Variants in AVL9 observed in about 807,000 individuals in gnomAD.
AVL9 encodes the protein AVL9 cell migration associated, also known as late secretory pathway protein AVL9 homolog.
A neutral mutation model predicts 79.2 loss-of-function variants in AVL9; 49 were observed. The observed-to-expected ratio is 0.62, with a 90% CI of 0.49 to 0.79. AVL9 has a LOEUF of 0.79. Ranked by LOEUF, AVL9 falls within the 30% of genes least tolerant of loss-of-function variation. The pLI is 0.00. For synonymous variants in AVL9, 299 were observed against 280.6 expected, an observed-to-expected ratio of 1.07 and a Z score of -0.65; for missense variants, 682 against 776.8, an observed-to-expected ratio of 0.88 and a Z score of 1.45.
intron 1 of AVL9, among the ~76,000 whole-genome samples, chr7:32,514,529 A>C (rs930373856): frequency 1.8e-4 from 28 of 152,134 alleles, no homozygotes; most frequent in African/African-American, 5.6e-4. Context: ...TCACAAAAGA[A>C]GTGAAAATGC....
intron 1 of AVL9, among the ~76,000 whole-genome samples, chr7:32,526,402 A>G (rs925746407): frequency 6.6e-6 from 1 of 152,212 alleles, no homozygotes; most frequent in African/African-American, 2.4e-5. Context: ...GAAGGCAAGA[A>G]GAGACAAACC....
rs139435887 is a variant in AVL9, at chr7:32,549,941, A to AAAGGAATGGC, written c.372+1025_372+1026insGGAATGGCAA. Among the ~76,000 whole-genome samples the AAAGGAATGGC allele has an allele frequency of 3.6e-3, 530 of 146,922 alleles. 4 individuals are homozygous for AAAGGAATGGC. The highest frequency in any genetic ancestry group is 0.011 in the African/African-American group (441 of 39,816). On this transcript the variant is annotated intron_variant, in intron 4 of 15. Coordinates refer to ENST00000318709, the MANE Select transcript of AVL9 (RefSeq NM_015060.3). ...CTCAAAAAAAAAAAAGAAAGAAAGA[A>AAAGGAATGGC]AAAAAAGAAAAGGAATGGCTATTAT...
At chr7:32,524,545 CACACACACACACAG>C (rs1207535440) in intron 1 of AVL9, among the ~76,000 whole-genome samples, 1 of 117,686 alleles carries the variant, frequency 8.5e-6, no homozygotes, top group African/African-American at 3.0e-5. Flanking sequence ...CACACACACA[CACACACACACACAG>C]AGAGAAAAGA....
rs1194214545 is a variant in AVL9, at chr7:32,572,700, G to A, written c.1351-499G>A. Among the ~76,000 whole-genome samples the A allele has an allele frequency of 1.3e-5, 2 of 148,950 alleles. 1 individual carries two copies. Among genetic ancestry groups the A allele is most frequent in the Non-Finnish European group, 3.0e-5 (2 of 67,792 alleles). On this transcript the variant is annotated intron_variant, in intron 11 of 15. Coordinates refer to ENST00000318709, the MANE Select transcript of AVL9 (RefSeq NM_015060.3). ...GCCTGTAGTCCCAGCTACTCAGGAG[G>A]CTGAGGCAGGAGAATGGCATGAACC... is the stretch of plus-strand genomic sequence containing the variant.
chr7:32,579,483 AT>A, intron 13 of AVL9, among the ~76,000 whole-genome samples: 1 of 7,254 alleles, frequency 1.4e-4, no homozygotes, highest in Non-Finnish European at 2.1e-4. Context: ...TATATTATAT[AT>A]AATATATTAC....
At chr7:32,581,842 G>A (rs779315513) in intron 15 of AVL9, among the ~76,000 whole-genome samples, 4 of 152,262 alleles carry the variant, frequency 2.6e-5, no homozygotes, top group East Asian at 3.9e-4. Context: ...TGAATTTAAC[G>A]TGAAAAGCCT....
At chr7:32,504,404 T>G (rs1487797658) in intron 1 of AVL9, among the ~76,000 whole-genome samples, 2 of 152,214 alleles carry the variant, frequency 1.3e-5, no homozygotes, top group Non-Finnish European at 2.9e-5. Context: ...TTTGTACAAA[T>G]CGTTGTCTTA....
chr7:32,516,892 T>C (rs534231516), intron 1 of AVL9, among the ~76,000 whole-genome samples: 1 of 152,290 alleles, frequency 6.6e-6, no homozygotes, highest in African/African-American at 2.4e-5. Flanking sequence ...AAATGGTCTT[T>C]ATGGTCTTTT....
rs1282670215 is a variant in AVL9 at position 32,584,177 on chromosome 7, T to C, written c.*270T>C. 4 of 469,082 alleles carry C rather than the reference T, an allele frequency of 8.5e-6. No individual in the cohort carries two copies. Among genetic ancestry groups the C allele is most frequent in the African/African-American group, 5.9e-5 (3 of 51,024 alleles). 29.1% of individuals were successfully genotyped at this position (469,082 alleles called of 1,614,324 possible). A position where few individuals can be genotyped will look rare whatever the true frequency, so the allele number is the denominator to read the frequency against. On this transcript the variant is annotated 3_prime_UTR_variant, in exon 16 of 16. Transcript: ENST00000318709. The stretch of plus-strand genomic sequence containing the variant: ...CATACAGTGAACCTTCTAATGAATT[T>C]TGAGTTCTGATATTGTACATTGGTT...
At chr7:32,557,955 A>C (rs1406404873) in intron 8 of AVL9, among the ~76,000 whole-genome samples, 1 of 149,948 alleles carries the variant, frequency 6.7e-6, no homozygotes. Flanking sequence ...TCCCGGGTTC[A>C]AGCAATTCTC....
chr7:32,566,180 A>ATCTTTTTTTTTTTTTTTTTTTTTTTTT lies in AVL9; in HGVS notation c.1216-3839_1216-3838insCTTTTTTTTTTTTTTTTTTTTTTTTTT, dbSNP rs70992731. Among the ~76,000 whole-genome samples the ATCTTTTTTTTTTTTTTTTTTTTTTTTT allele has an allele frequency of 6.4e-5, 6 of 93,888 alleles. 2 individuals are homozygous for ATCTTTTTTTTTTTTTTTTTTTTTTTTT. The highest frequency in any genetic ancestry group is 1.4e-4 in the Admixed American group (1 of 7,120). The allele number at this position is 93,888 out of a possible 152,430, so 61.6% of individuals were successfully genotyped here. ...TAAAAAAATTTTAATTATTATTATT[A>ATCTTTTTTTTTTTTTTTTTTTTTTTTT]TTTTTTTTTTTTGGAGACAAGGTCT... On this transcript the variant is annotated intron_variant, in intron 10 of 15. Transcript: ENST00000318709.
chr7:32,580,784 A>G lies in AVL9; in HGVS notation c.1743-18A>G. On this transcript the variant is annotated intron_variant, in intron 14 of 15. Transcript: ENST00000318709. ...TAAAATTGTACCTAACACTTCTTTT[A>G]TCTTATCTTTTACCCAGTTCTGTTC... The G allele has an allele frequency of 6.3e-7, 1 of 1,599,718 alleles. No individual in the cohort carries two copies. The highest frequency in any genetic ancestry group is 8.6e-7 in the Non-Finnish European group (1 of 1,168,424).
chr7:32,585,058 C>A lies in AVL9; in HGVS notation c.*1151C>A, dbSNP rs991987937. 28 of 152,274 alleles carry A rather than the reference C, an allele frequency of 1.8e-4. No homozygotes were observed. The highest frequency in any genetic ancestry group is 6.5e-4 in the African/African-American group (27 of 41,450). 9.4% of individuals were successfully genotyped at this position (152,274 alleles called of 1,614,324 possible). The stretch of plus-strand genomic sequence containing the variant: ...GTGCTGGGACTACAGGCATGAGCCA[C>A]TGCGCCTGGCCTGTTTCTTTTTTAA... On this transcript the variant is annotated 3_prime_UTR_variant, in exon 16 of 16. Coordinates refer to ENST00000318709, the MANE Select transcript of AVL9 (RefSeq NM_015060.3).
intron 1 of AVL9, among the ~76,000 whole-genome samples, chr7:32,520,139 G>A (rs980816624): frequency 6.6e-6 from 1 of 152,136 alleles, no homozygotes; most frequent in East Asian, 1.9e-4. Context: ...ACAATACATG[G>A]ATAAAAAGAA....
In AVL9 at chr7:32,552,219, T is replaced by C; in HGVS notation, c.463-10T>C. 3 of 1,531,206 alleles carry C rather than the reference T, an allele frequency of 2.0e-6. No individual in the cohort carries two copies. Among genetic ancestry groups the C allele is most frequent in the Non-Finnish European group, 2.7e-6 (3 of 1,107,982 alleles). 94.9% of individuals were successfully genotyped at this position (1,531,206 alleles called of 1,614,324 possible). Reference sequence around the variant, plus strand: ...AGTAAAATGTGCTAAATTCAATCTATATTTTATAGGAGCTTTATGAACATA... The same window carrying C: ...AGTAAAATGTGCTAAATTCAATCTACATTTTATAGGAGCTTTATGAACATA... On this transcript the variant is annotated splice_polypyrimidine_tract_variant and intron_variant, in intron 5 of 15. Transcript: ENST00000318709.
At chr7:32,538,412 C>G (rs1789014874) in intron 1 of AVL9, 1 of 152,098 alleles carries the variant, frequency 6.6e-6, no homozygotes, top group South Asian at 2.1e-4. Context: ...GCTGTGAAAT[C>G]ATTTAGAAAA....
In AVL9 at chr7:32,573,155, T is replaced by C. The variant is rs547313658; in HGVS notation, c.1351-44T>C. Reference sequence around the variant, plus strand: ...CTCTGTAAAGTGTGGCATGGATGTCTGCGTGAATGCCCAGACTCTGACTTG... The same window carrying C: ...CTCTGTAAAGTGTGGCATGGATGTCCGCGTGAATGCCCAGACTCTGACTTG... On this transcript the variant is annotated intron_variant, in intron 11 of 15. Coordinates refer to ENST00000318709, the MANE Select transcript of AVL9 (RefSeq NM_015060.3). 4.6e-6 allele frequency: 7 copies of C among 1,518,884 alleles called. No individual in the cohort carries two copies. The African/African-American group carries it at 8.2e-5, about 18-fold the overall frequency. 94.1% of individuals were successfully genotyped at this position (1,518,884 alleles called of 1,614,324 possible).
rs1287074329 is a variant in AVL9, at chr7:32,583,972, C to T, written c.*65C>T. 2 of 1,141,340 alleles carry T rather than the reference C, an allele frequency of 1.8e-6. No individual in the cohort carries two copies. Among genetic ancestry groups the T allele is most frequent in the Non-Finnish European group, 2.6e-6 (2 of 754,992 alleles). 70.7% of individuals were successfully genotyped at this position (1,141,340 alleles called of 1,614,324 possible). A position where few individuals can be genotyped will look rare whatever the true frequency, so the allele number is the denominator to read the frequency against. ...GTGTCCCCTGTCTGTCTGCTGCTCC[C>T]AGGCTGTTACTAGCCACAGATCCAC... On this transcript the variant is annotated 3_prime_UTR_variant, in exon 16 of 16. Coordinates refer to ENST00000318709, the MANE Select transcript of AVL9 (RefSeq NM_015060.3).
chr7:32,580,319 A>T (rs1180911525), intron 14 of AVL9, 47 bp downstream of exon 14: 1 of 1,449,130 alleles, frequency 6.9e-7, no homozygotes, highest in Admixed American at 1.8e-5. Flanking sequence ...GTCTGAATTT[A>T]TGCCATGTGT....
Sources: gnomAD v4.1 joint callset for allele counts (sites outside exome capture counted in the v4.1 genomes callset) on GRCh38, gnomAD v4.1.1 for gene constraint, MANE v1.5 for transcripts, NCBI Gene and HGNC (gene_info 2026-07-23, HGNC 2026-07-21) for gene names.